The following DNAAF10 variants were observed in gnomAD, a reference collection of about 807,000 sequenced individuals.
The protein encoded by DNAAF10 is dynein axonemal assembly factor 10, also known as WD repeat domain 92.
A neutral mutation model predicts 43.7 loss-of-function variants in DNAAF10; 28 were observed. The observed-to-expected ratio is 0.64, with a 90% confidence interval of 0.48 to 0.88. The LOEUF is 0.88. DNAAF10 is among the 40% of genes least tolerant of loss of function. The pLI, the probability that DNAAF10 is intolerant of heterozygous loss-of-function variation, is 0.00. For synonymous variants in DNAAF10, 156 were observed against 157.3 expected, an observed-to-expected ratio of 0.99 and a Z score of 0.06; for missense variants, 403 against 439.1, an observed-to-expected ratio of 0.92 and a Z score of 0.73.
Position 68,138,759 on chromosome 2 carries a change from T to C in DNAAF10, c.616A>G (p.Thr206Ala). ...DLRNMALRWE[T>A]NIKNGVCSLE... ...TACTTTACCCCATTTTTGATGTTTG[T>C]CTCCCACCGTAATGCCATATTTCTG... Residue 206 changes from threonine to alanine, a missense_variant, in exon 5 of 8, where the codon ACA becomes GCA. Physicochemically the swap from Thr to Ala is moderately conservative, Grantham distance 58. Coordinates refer to ENST00000295121, the MANE Select transcript of DNAAF10 (RefSeq NM_138458.4). The C allele has an allele frequency of 1.2e-6, 2 of 1,613,556 alleles. No homozygotes were observed. Among genetic ancestry groups the C allele is most frequent in the Non-Finnish European group, 1.7e-6 (2 of 1,179,590 alleles).
intron 1 of DNAAF10, among the ~76,000 whole-genome samples, chr2:68,155,923 C>T (rs1308894508): frequency 6.6e-6 from 1 of 151,530 alleles, no homozygotes; most frequent in Non-Finnish European, 1.5e-5. Flanking sequence ...ACGGTGAAAC[C>T]CCATCTCTAC....
intron 5 of DNAAF10, among the ~76,000 whole-genome samples, chr2:68,138,253 C>A (rs1673093951): frequency 6.6e-6 from 1 of 152,058 alleles, no homozygotes; most frequent in African/African-American, 2.4e-5. Flanking sequence ...ATCTTGGGTT[C>A]CCATGCTCAG....
chr2:68,144,549 A>G, intron 3 of DNAAF10, 36 bp downstream of exon 3: 2 of 1,603,532 alleles, frequency 1.2e-6, no homozygotes, highest in South Asian at 1.1e-5. Flanking sequence ...TTCCATTAAA[A>G]TAAATAAACA....
intron 7 of DNAAF10, among the ~76,000 whole-genome samples, chr2:68,133,322 G>C (rs1672963741): frequency 6.6e-6 from 1 of 151,990 alleles, no homozygotes; most frequent in Non-Finnish European, 1.5e-5. Flanking sequence ...GACTCACTGA[G>C]ACCTCCACCT....
At chr2:68,150,607 C>A (rs1488311265) in intron 1 of DNAAF10, among the ~76,000 whole-genome samples, 1 of 152,102 alleles carries the variant, frequency 6.6e-6, no homozygotes, top group Non-Finnish European at 1.5e-5. Flanking sequence ...GTGGTGGATG[C>A]CTGTAATTCC....
intron 1 of DNAAF10, among the ~76,000 whole-genome samples, chr2:68,151,484 AT>A (rs1258219236): frequency 4.6e-5 from 7 of 152,196 alleles, no homozygotes; most frequent in South Asian, 2.1e-4. Flanking sequence ...TTAATCATCC[AT>A]TATACTTATC....
At chr2:68,140,920 C>A (rs1673162856) in intron 4 of DNAAF10, among the ~76,000 whole-genome samples, 1 of 152,144 alleles carries the variant, frequency 6.6e-6, no homozygotes, top group Non-Finnish European at 1.5e-5. Flanking sequence ...ACTGACACAG[C>A]ATTTATATTA....
intron 2 of DNAAF10, among the ~76,000 whole-genome samples, chr2:68,146,152 C>T (rs2103624975): frequency 6.6e-6 from 1 of 152,226 alleles, no homozygotes; most frequent in East Asian, 1.9e-4. Context: ...ATCCTAGCTA[C>T]TTGGGAGGCT....
Position 68,147,552 on chromosome 2 carries a change from G to C in DNAAF10, c.199C>G (p.Pro67Ala), listed in dbSNP as rs1673348952. Residue 67 changes from proline (P) to alanine (A), a missense_variant, in exon 2 of 8, where the codon CCT (proline) becomes GCT (alanine). Pro to Ala is a conservative substitution (Grantham distance 27, BLOSUM62 -1). Coordinates refer to ENST00000295121, the MANE Select transcript of DNAAF10 (RefSeq NM_138458.4). ...GCACCAAATGTTCCACATTTAATAG[G>C]TTTGGCCTTTTCAATCTTCATAGAA... ...KLLREIEKAK[P>A]IKCGTFGATS... The C allele has an allele frequency of 2.5e-6, 4 of 1,609,744 alleles. No individual in the cohort carries two copies. The highest frequency in any genetic ancestry group is 3.4e-6 in the Non-Finnish European group (4 of 1,178,424).
Position 68,138,758 on chromosome 2 carries a change from G to A in DNAAF10, c.617C>T (p.Thr206Ile). ...GTACTTTACCCCATTTTTGATGTTT[G>A]TCTCCCACCGTAATGCCATATTTCT... Reference protein sequence around the residue: ...DLRNMALRWETNIKNGVCSLE... With the variant: ...DLRNMALRWEINIKNGVCSLE... The change falls in exon 5 of 8, where the codon ACA (threonine) becomes ATA (isoleucine). Residue 206 changes from threonine to isoleucine, a missense_variant. Physicochemically the swap from Thr to Ile is moderately conservative, Grantham distance 89. Transcript: ENST00000295121. 6.2e-7 allele frequency: 1 copy of A among 1,613,134 alleles called. No homozygotes were observed. Among genetic ancestry groups the A allele is most frequent in the South Asian group, 1.1e-5 (1 of 90,990 alleles).
intron 1 of DNAAF10, among the ~76,000 whole-genome samples, chr2:68,152,201 T>C (rs1673474460): frequency 6.6e-6 from 1 of 152,230 alleles, no homozygotes; most frequent in African/African-American, 2.4e-5. Flanking sequence ...ATATATGATA[T>C]TATGCTTCCC....
intron 1 of DNAAF10, among the ~76,000 whole-genome samples, chr2:68,156,231 G>A (rs1572931311): frequency 6.6e-6 from 1 of 152,254 alleles, no homozygotes; most frequent in East Asian, 1.9e-4. Context: ...ACTTAAAGCG[G>A]GATGGGGTCT....
chr2:68,134,809 A>G lies in DNAAF10; in HGVS notation c.769-10T>C, dbSNP rs762326517. 5.0e-6 allele frequency: 8 copies of G among 1,613,540 alleles called. 1 individual carries two copies. In the South Asian group the frequency reaches 8.8e-5, roughly 18 times the overall value. On this transcript the variant is annotated splice_polypyrimidine_tract_variant and intron_variant, in intron 6 of 7. Coordinates refer to ENST00000295121, the MANE Select transcript of DNAAF10 (RefSeq NM_138458.4). ...CAGTAGATTTATGAGCCTAAATAGA[A>G]CAAGAGGCATACAACTGGTTTATAT...
In DNAAF10 at chr2:68,130,135, T is replaced by G. The variant is rs1452768215; in HGVS notation, c.*1103A>C. 2 of 80,326 alleles carry G rather than the reference T, an allele frequency of 2.5e-5. No homozygotes were observed. The highest frequency in any genetic ancestry group is 1.0e-4 in the African/African-American group (2 of 19,534). 5.0% of individuals were successfully genotyped at this position (80,326 alleles called of 1,614,324 possible). The stretch of plus-strand genomic sequence containing the variant: ...AGAGAGATATATATATATATATTTG[T>G]TTTTTTTTTTTTTGAGACGGAGTCT... On this transcript the variant is annotated 3_prime_UTR_variant, in exon 8 of 8. Transcript: ENST00000295121.
At chr2:68,144,467 T>C in intron 3 of DNAAF10, 118 bp downstream of exon 3, 2 of 1,296,954 alleles carry the variant, frequency 1.5e-6, no homozygotes, top group Non-Finnish European at 2.1e-6. Flanking sequence ...GCAGCAAGAC[T>C]GTTAGATTTA....
intron 2 of DNAAF10, among the ~76,000 whole-genome samples, chr2:68,146,686 T>C (rs1673324667): frequency 6.6e-6 from 1 of 152,184 alleles, no homozygotes; most frequent in African/African-American, 2.4e-5. Context: ...TTTTGTTTAA[T>C]GTTATGATTC....
At chr2:68,136,644 C>G (rs1417194039) in intron 6 of DNAAF10, among the ~76,000 whole-genome samples, 2 of 152,150 alleles carry the variant, frequency 1.3e-5, no homozygotes, top group Non-Finnish European at 2.9e-5. Context: ...CATTTCCAAT[C>G]CATTTCTTGT....
intron 1 of DNAAF10, among the ~76,000 whole-genome samples, chr2:68,152,967 T>G (rs965042403): frequency 1.3e-5 from 2 of 152,242 alleles, no homozygotes; most frequent in African/African-American, 2.4e-5. Context: ...AAGCAGAATT[T>G]TATTAGCTTA....
intron 2 of DNAAF10, 55 bp downstream of exon 2, chr2:68,147,412 A>G (rs1385665953): frequency 1.6e-6 from 2 of 1,287,086 alleles, no homozygotes; most frequent in Non-Finnish European, 2.2e-6. Context: ...GAGTAATGAA[A>G]CTATCAAATA....
Sources: allele counts gnomAD v4.1 joint callset (sites outside exome capture counted in the v4.1 genomes callset), GRCh38; gene constraint gnomAD v4.1.1; transcripts MANE v1.5; gene names NCBI Gene and HGNC (gene_info 2026-07-23, HGNC 2026-07-21).